Variants in GOLGA4 observed in about 807,000 individuals in gnomAD.
The protein encoded by GOLGA4 is golgin A4, also known as golgin subfamily A member 4.
GOLGA4 carries 169 observed loss-of-function variants against 265.9 expected under a neutral mutation model. That is an observed-to-expected ratio of 0.64 (90% confidence interval 0.56 to 0.72). The LOEUF is 0.72. Among genes scored for constraint, GOLGA4 ranks in the 30% least tolerant of loss-of-function variants. GOLGA4 has a pLI of 0.00. For missense variants in GOLGA4, 2,482 were observed against 2,483.4 expected (o/e 1.00, Z 0.01); for synonymous variants, 923 against 855.8 (o/e 1.08, Z -1.37).
At chr3:37,296,985 A>G (rs961975235) in intron 7 of GOLGA4, among the ~76,000 whole-genome samples, 2 of 152,242 alleles carry the variant, frequency 1.3e-5, no homozygotes, top group Non-Finnish European at 2.9e-5. Flanking sequence ...GCTAGATTTC[A>G]TATGAACAGG....
chr3:37,263,562 T>C (rs2096775706), intron 2 of GOLGA4, among the ~76,000 whole-genome samples: 1 of 152,190 alleles, frequency 6.6e-6, no homozygotes, highest in Non-Finnish European at 1.5e-5. Flanking sequence ...AGTGCAAGAC[T>C]GTATATCCTC....
intron 11 of GOLGA4, among the ~76,000 whole-genome samples, chr3:37,316,398 C>G (rs1169596294): frequency 3.9e-5 from 6 of 152,066 alleles, no homozygotes; most frequent in Non-Finnish European, 7.4e-5. Flanking sequence ...TTCTATAACT[C>G]ATGGTAAGGT....
intron 12 of GOLGA4, among the ~76,000 whole-genome samples, chr3:37,321,393 A>G (rs2096954369): frequency 6.6e-6 from 1 of 152,236 alleles, no homozygotes; most frequent in Admixed American, 6.5e-5. Flanking sequence ...TTAGAGTAGA[A>G]ATATCAAACT....
rs1320024158 is a variant in GOLGA4, at chr3:37,320,591, GAATT to G, written c.1546-1137_1546-1134del. ...TTGTTTTCTTTGTTGATCCAGAAAA[GAATT>G]AAAGCATTTTACAAGAATTCTTAAA... On this transcript the variant is annotated intron_variant, in intron 12 of 23. Transcript: ENST00000361924. Among the ~76,000 whole-genome samples, 6 of 152,128 alleles carry G rather than the reference GAATT, an allele frequency of 3.9e-5. No homozygotes were observed. In the East Asian group the frequency reaches 7.7e-4, roughly 20 times the overall value.
intron 9 of GOLGA4, among the ~76,000 whole-genome samples, chr3:37,300,245 G>C (rs1229236482): frequency 2.0e-5 from 3 of 152,164 alleles, no homozygotes; most frequent in Admixed American, 2.0e-4. Flanking sequence ...TGGGTAAACA[G>C]TTTTGACCTG....
chr3:37,306,541 G>GTA (rs2096906899), intron 10 of GOLGA4, among the ~76,000 whole-genome samples: 1 of 147,874 alleles, frequency 6.8e-6, no homozygotes, highest in Non-Finnish European at 1.5e-5. Flanking sequence ...GTGTGTGTGT[G>GTA]TGTATCAGGA....
In GOLGA4 at chr3:37,277,355, C is replaced by T. The variant is rs2096822215; in HGVS notation, c.163-4603C>T. On this transcript the variant is annotated intron_variant, in intron 2 of 23. Coordinates refer to ENST00000361924, the MANE Select transcript of GOLGA4 (RefSeq NM_002078.5). ...AAGAACACTGTTGTAGTTTAGAAGG[C>T]TTTTCATAAATCCCCTCATAGGCAA... Among the ~76,000 whole-genome samples, 6 of 152,186 alleles carry T rather than the reference C, an allele frequency of 3.9e-5. No individual in the cohort carries two copies. The South Asian group carries it at 1.2e-3, about 31-fold the overall frequency.
At chr3:37,259,878 A>T (rs1205347894) in intron 2 of GOLGA4, among the ~76,000 whole-genome samples, 2 of 152,186 alleles carry the variant, frequency 1.3e-5, no homozygotes, top group African/African-American at 2.4e-5. Context: ...CATTTTGTTT[A>T]AAGGCTTTCT....
At chr3:37,351,378 C>T (rs2097074002) in intron 21 of GOLGA4, among the ~76,000 whole-genome samples, 2 of 152,086 alleles carry the variant, frequency 1.3e-5, no homozygotes. Flanking sequence ...GTCTTGAATC[C>T]CTCCAAATCA....
intron 2 of GOLGA4, among the ~76,000 whole-genome samples, chr3:37,262,529 G>GAA (rs138347781): frequency 3.3e-5 from 5 of 150,706 alleles, no homozygotes; most frequent in Non-Finnish European, 7.4e-5. Flanking sequence ...TCCTGGAAAT[G>GAA]AAAAAAAAAT....
chr3:37,355,423 C>A (rs1340022563), intron 22 of GOLGA4, among the ~76,000 whole-genome samples: 1 of 152,036 alleles, frequency 6.6e-6, no homozygotes, highest in Non-Finnish European at 1.5e-5. Flanking sequence ...GAGCTTGACA[C>A]CCGTATGTAT....
intron 21 of GOLGA4, among the ~76,000 whole-genome samples, chr3:37,350,531 TA>T (rs1175451932): frequency 6.6e-6 from 1 of 152,018 alleles, no homozygotes; most frequent in Non-Finnish European, 1.5e-5. Context: ...TTGGTACTTA[TA>T]AAAAAACCTT....
chr3:37,333,485 T>TG (rs1001525511), intron 16 of GOLGA4, among the ~76,000 whole-genome samples: 3 of 152,142 alleles, frequency 2.0e-5, no homozygotes, highest in African/African-American at 4.8e-5. Flanking sequence ...TTCTAATTAT[T>TG]GGGGGGGCTT....
chr3:37,273,038 TATC>T (rs1428534740), intron 2 of GOLGA4, among the ~76,000 whole-genome samples: 2 of 152,212 alleles, frequency 1.3e-5, no homozygotes, highest in Admixed American at 6.5e-5. Context: ...TTCTGAAAAT[TATC>T]ATTTCATTTA....
chr3:37,335,392 C>T (rs1386983882), intron 17 of GOLGA4, among the ~76,000 whole-genome samples: 35 of 152,322 alleles, frequency 2.3e-4, no homozygotes. Flanking sequence ...TAAGCCAAAT[C>T]TACTAGACCT....
chr3:37,342,741 A>G (rs992844101), intron 20 of GOLGA4, among the ~76,000 whole-genome samples: 3 of 152,200 alleles, frequency 2.0e-5, no homozygotes, highest in African/African-American at 7.2e-5. Flanking sequence ...TAGAATATAT[A>G]AGAATGGAAT....
intron 21 of GOLGA4, among the ~76,000 whole-genome samples, chr3:37,354,692 G>A (rs1235634502): frequency 6.6e-6 from 1 of 152,008 alleles, no homozygotes; most frequent in East Asian, 1.9e-4. Flanking sequence ...GATATATGAT[G>A]TGATTTAGTT....
chr3:37,354,666 G>A (rs2097085460), intron 21 of GOLGA4, among the ~76,000 whole-genome samples: 1 of 152,040 alleles, frequency 6.6e-6, no homozygotes, highest in Non-Finnish European at 1.5e-5. Context: ...TGTTCATGCA[G>A]TAGCCGTGTT....
In GOLGA4 at chr3:37,276,329, G is replaced by A. The variant is rs2096818549; in HGVS notation, c.163-5629G>A. ...AAATTTAAGGAAAAATGTCCTCTGTGGGAATATTCCTCCTGACTTATTTGC... is the reference window on the plus strand; with the variant it reads ...AAATTTAAGGAAAAATGTCCTCTGTAGGAATATTCCTCCTGACTTATTTGC... On this transcript the variant is annotated intron_variant, in intron 2 of 23. Transcript: ENST00000361924. 5 of 1,605,914 alleles carry A rather than the reference G, an allele frequency of 3.1e-6. No individual in the cohort carries two copies. The Admixed American group carries it at 8.3e-5, about 27-fold the overall frequency.
Sources: gnomAD v4.1 joint callset for allele counts (sites outside exome capture counted in the v4.1 genomes callset) on GRCh38, gnomAD v4.1.1 for gene constraint, MANE v1.5 for transcripts, NCBI Gene and HGNC (gene_info 2026-07-23, HGNC 2026-07-21) for gene names.